Variants in ZYG11B observed in about 807,000 individuals in gnomAD.
The protein encoded by ZYG11B is protein zyg-11 homolog B.
A neutral mutation model predicts 82.4 loss-of-function variants in ZYG11B; 36 were observed. The ratio of observed to expected loss-of-function variants is 0.44; its 90% CI spans 0.33 to 0.58. The LOEUF (loss-of-function observed/expected upper bound fraction) is 0.58. Among genes scored for constraint, ZYG11B ranks in the 20% least tolerant of loss-of-function variants. ZYG11B has a pLI of 0.02. For synonymous variants in ZYG11B, 303 were observed against 312.8 expected, an observed-to-expected ratio of 0.97 and a Z score of 0.33; for missense variants, 552 against 895.6, an observed-to-expected ratio of 0.62 and a Z score of 4.90.
chr1:52,813,402 T>G (rs767664235), intron 10 of ZYG11B, 134 bp from the exon 11 acceptor site: 187 of 681,986 alleles, frequency 2.7e-4, no homozygotes, highest in Admixed American at 9.8e-4. Flanking sequence ...TGCCCTCATT[T>G]GAATACTTTC....
chr1:52,772,679 T>G (rs567417639), intron 3 of ZYG11B: 8 of 500,530 alleles, frequency 1.6e-5, no homozygotes, highest in Middle Eastern at 4.4e-4. Context: ...GAAAGGCTTG[T>G]TTTTTTTTTT....
rs149378863 is a variant in ZYG11B at position 52,732,402 on chromosome 1, C to G, written c.30+5719C>G. Among the ~76,000 whole-genome samples, 24 of 152,284 alleles carry G rather than the reference C, an allele frequency of 1.6e-4. No individual in the cohort carries two copies. In the East Asian group the frequency reaches 3.7e-3, roughly 23 times the overall value. ...TGTATACAGAGATTAAATATTAACACTAGTGGCATTCTGTATCTCCCCCTA... is the reference window on the plus strand; with the variant it reads ...TGTATACAGAGATTAAATATTAACAGTAGTGGCATTCTGTATCTCCCCCTA... On this transcript the variant is annotated intron_variant, in intron 1 of 13. Coordinates refer to ENST00000294353, the MANE Select transcript of ZYG11B (RefSeq NM_024646.3).
intron 10 of ZYG11B, among the ~76,000 whole-genome samples, chr1:52,804,029 T>C (rs77789053): frequency 0.056 from 8,498 of 152,172 alleles, 309 homozygotes; most frequent in African/African-American, 0.1. Flanking sequence ...TGCTTGAGCC[T>C]AGGAGTTTGA....
chr1:52,756,396 C>A, intron 1 of ZYG11B, 62 bp from the exon 2 acceptor site: 1 of 1,522,484 alleles, frequency 6.6e-7, no homozygotes, highest in Non-Finnish European at 9.0e-7. Context: ...TTGTTCTCTG[C>A]TTTTCTGGAA....
In ZYG11B at chr1:52,801,936, T is replaced by A. The variant is rs757463782; in HGVS notation, c.1603T>A (p.Phe535Ile). ...TGAATCTCCAACCACTTGTAGACAC[T>A]TTATTGAAAACCAAGGGTTAGAACT... Reference protein sequence around the residue: ...TDESPTTCRHFIENQGLELFM... With the variant: ...TDESPTTCRHIIENQGLELFM... Residue 535 changes from phenylalanine (F) to isoleucine (I), a missense_variant, in exon 9 of 14, where the codon TTT becomes ATT. By Grantham distance (21) the Phe-to-Ile change is conservative. Coordinates refer to ENST00000294353, the MANE Select transcript of ZYG11B (RefSeq NM_024646.3). 6.2e-7 allele frequency: 1 copy of A among 1,611,916 alleles called. No homozygotes were observed. The highest frequency in any genetic ancestry group is 8.5e-7 in the Non-Finnish European group (1 of 1,179,418).
intron 13 of ZYG11B, among the ~76,000 whole-genome samples, chr1:52,818,131 C>T (rs977733325): frequency 6.6e-6 from 1 of 151,524 alleles, no homozygotes; most frequent in Non-Finnish European, 1.5e-5. Flanking sequence ...AGCCACTGTG[C>T]CTGGCCTACT....
intron 10 of ZYG11B, among the ~76,000 whole-genome samples, chr1:52,812,068 C>A (rs1645188727): frequency 6.6e-6 from 1 of 151,816 alleles, no homozygotes; most frequent in Admixed American, 6.6e-5. Context: ...CTTATGTCTT[C>A]ATTTTCTCCC....
chr1:52,818,622 G>A (rs1645254935), intron 13 of ZYG11B, among the ~76,000 whole-genome samples: 1 of 152,124 alleles, frequency 6.6e-6, no homozygotes, highest in South Asian at 2.1e-4. Flanking sequence ...CTTGTCAGGG[G>A]AGATGGGGAG....
At chr1:52,747,980 G>A (rs776288685) in intron 1 of ZYG11B, among the ~76,000 whole-genome samples, 2 of 152,138 alleles carry the variant, frequency 1.3e-5, no homozygotes, top group Admixed American at 6.6e-5. Flanking sequence ...TATATGTAAA[G>A]CACTTAGCAT....
intron 2 of ZYG11B, among the ~76,000 whole-genome samples, chr1:52,761,442 A>C (rs1644630604): frequency 6.6e-6 from 1 of 152,184 alleles, no homozygotes; most frequent in South Asian, 2.1e-4. Flanking sequence ...GCTGTGTTTA[A>C]CTTTCTGCTC....
intron 3 of ZYG11B, 37 bp from the exon 4 acceptor site, chr1:52,779,816 G>A: frequency 6.2e-7 from 1 of 1,610,074 alleles, no homozygotes; most frequent in Non-Finnish European, 8.5e-7. Context: ...TAGAGAAAGA[G>A]AGAGAATTCT....
intron 2 of ZYG11B, among the ~76,000 whole-genome samples, chr1:52,766,070 C>T (rs1644680129): frequency 1.3e-5 from 2 of 149,680 alleles, no homozygotes; most frequent in Admixed American, 1.3e-4. Flanking sequence ...TCTTGCCTTG[C>T]TGAGTCTGTT....
chr1:52,770,678 T>C (rs1266563715), intron 2 of ZYG11B, among the ~76,000 whole-genome samples: 1 of 152,168 alleles, frequency 6.6e-6, no homozygotes, highest in African/African-American at 2.4e-5. Context: ...CAACATATAG[T>C]GCATTGGCCA....
At chr1:52,768,863 G>C (rs1644722490) in intron 2 of ZYG11B, among the ~76,000 whole-genome samples, 1 of 152,036 alleles carries the variant, frequency 6.6e-6, no homozygotes. Context: ...CAAAATGCTG[G>C]CATTATAGGC....
intron 12 of ZYG11B, 148 bp from the exon 13 acceptor site, chr1:52,816,384 G>T: frequency 1.6e-6 from 1 of 613,964 alleles, no homozygotes; most frequent in Non-Finnish European, 2.9e-6. Context: ...AAATGGTTAA[G>T]ACAAAGAAAT....
At chr1:52,794,068 G>A (rs964115689) in intron 6 of ZYG11B, among the ~76,000 whole-genome samples, 5 of 151,766 alleles carry the variant, frequency 3.3e-5, no homozygotes, top group African/African-American at 7.3e-5. Context: ...TCTGCCTCCC[G>A]GGTTCAAGTG....
At chr1:52,788,845 T>G (rs1421385641) in intron 5 of ZYG11B, among the ~76,000 whole-genome samples, 1 of 152,220 alleles carries the variant, frequency 6.6e-6, no homozygotes, top group Non-Finnish European at 1.5e-5. Flanking sequence ...ACAGGAGGGA[T>G]GGGCTTTCTA....
intron 8 of ZYG11B, among the ~76,000 whole-genome samples, chr1:52,797,437 C>T (rs183012782): frequency 0.011 from 538 of 50,870 alleles, 3 homozygotes; most frequent in African/African-American, 0.026. Context: ...TTATATATAA[C>T]ATATATATTA....
At chr1:52,813,390 A>G (rs1558143866) in intron 10 of ZYG11B, 146 bp from the exon 11 acceptor site, 1 of 613,302 alleles carries the variant, frequency 1.6e-6, no homozygotes, top group East Asian at 3.0e-5. Flanking sequence ...CAGTCTGTAA[A>G]CTGCCCTCAT....
Sources: allele counts gnomAD v4.1 joint callset (sites outside exome capture counted in the v4.1 genomes callset), GRCh38; gene constraint gnomAD v4.1.1; transcripts MANE v1.5; gene names NCBI Gene and HGNC (gene_info 2026-07-23, HGNC 2026-07-21).